STT3A: variants seen among roughly 807,000 people sequenced by gnomAD.
The protein encoded by STT3A is STT3 oligosaccharyltransferase complex catalytic subunit A.
Under a neutral mutation model 89.2 loss-of-function variants are expected in STT3A, and 34 were observed. The ratio of observed to expected loss-of-function variants is 0.38; its 90% CI spans 0.29 to 0.51. The LOEUF (loss-of-function observed/expected upper bound fraction) is 0.51, where lower values mean the gene tolerates loss of function less well. Ranked by LOEUF, STT3A falls within the 20% of genes least tolerant of loss-of-function variation. The probability of loss-of-function intolerance (pLI) is 0.89; values close to 1 mark genes in which losing one functional copy is unlikely to be tolerated. For missense variants in STT3A, 555 were observed against 889.5 expected, an observed-to-expected ratio of 0.62 and a Z score of 4.78; for synonymous variants, 282 against 310.3, an observed-to-expected ratio of 0.91 and a Z score of 0.96.
At chr11:125,609,652 G>A (rs1286510848) in intron 10 of STT3A, 63 bp downstream of exon 10, 2 of 1,563,664 alleles carry the variant, frequency 1.3e-6, no homozygotes, top group South Asian at 1.2e-5. Flanking sequence ...TTCCAAATTT[G>A]CAAGCTACCC....
Position 125,602,453 on chromosome 11 carries a change from T to A in STT3A, c.271+29T>A, listed in dbSNP as rs11825456. 108,681 of 1,300,150 alleles carry A rather than the reference T, an allele frequency of 0.084. 3,923 individuals are homozygous for A. Among genetic ancestry groups the A allele is most frequent in the African/African-American group, 0.23 (14,988 of 65,932 alleles). The allele number at this position is 1,300,150 out of a possible 1,614,324, so 80.5% of individuals were successfully genotyped here. On this transcript the variant is annotated intron_variant, in intron 4 of 17. Transcript: ENST00000392708. ...AGGAGACCAGATGTGTTTTTTTTTT[T>A]AAAAAAAAAACAGAAATATTTGTAT...
In STT3A at chr11:125,613,776, G is replaced by T; in HGVS notation, c.1555-311G>T. 1 of 216,140 alleles carries T rather than the reference G, an allele frequency of 4.6e-6. No individual in the cohort carries two copies. Among genetic ancestry groups the T allele is most frequent in the Non-Finnish European group, 9.2e-6 (1 of 109,220 alleles). The allele number at this position is 216,140 out of a possible 1,614,324, so 13.4% of individuals were successfully genotyped here. On this transcript the variant is annotated intron_variant, in intron 13 of 17. Coordinates refer to ENST00000392708, the MANE Select transcript of STT3A (RefSeq NM_152713.5). The surrounding 1 kb of genome is among the most constrained non-coding windows in gnomAD (Gnocchi z 4.2). The stretch of plus-strand genomic sequence containing the variant: ...AGGTTATTTAAGAAAATTGTCTAAT[G>T]ACACTAGGCTATTGATGTGGCTACA...
In STT3A at chr11:125,621,087, T is replaced by C. The variant is rs939964710; in HGVS notation, c.*277T>C. 3.8e-5 allele frequency: 12 copies of C among 319,338 alleles called. No homozygotes were observed. Among genetic ancestry groups the C allele is most frequent in the Admixed American group, 9.5e-5 (2 of 21,008 alleles). The allele number at this position is 319,338 out of a possible 1,614,324, so 19.8% of individuals were successfully genotyped here. A position where few individuals can be genotyped will look rare whatever the true frequency, so the allele number is the denominator to read the frequency against. ...AATGTGCCTTATTTGTTTTGACTTATAACTGATTTGAGGGAGGCAAAAGCT... is the reference window on the plus strand; with the variant it reads ...AATGTGCCTTATTTGTTTTGACTTACAACTGATTTGAGGGAGGCAAAAGCT... On this transcript the variant is annotated 3_prime_UTR_variant, in exon 18 of 18. Transcript: ENST00000392708.
intron 7 of STT3A, 189 bp from the exon 8 acceptor site, chr11:125,606,112 A>G: frequency 1.8e-6 from 1 of 569,820 alleles, no homozygotes; most frequent in Non-Finnish European, 3.0e-6. Context: ...TGACCTGTAC[A>G]TGTAAGGACT....
At chr11:125,617,922 A>G (rs1940225944) in intron 15 of STT3A, among the ~76,000 whole-genome samples, 1 of 152,256 alleles carries the variant, frequency 6.6e-6, no homozygotes, top group Non-Finnish European at 1.5e-5. Context: ...TTAATTTAAC[A>G]TGTAACCAGT....
chr11:125,610,452 C>T (rs59793028), intron 10 of STT3A, among the ~76,000 whole-genome samples: 2 of 152,124 alleles, frequency 1.3e-5, no homozygotes, highest in Non-Finnish European at 2.9e-5. Flanking sequence ...GGCACAATGG[C>T]TCATGCCTAT....
intron 10 of STT3A, among the ~76,000 whole-genome samples, chr11:125,610,221 C>T (rs1294565426): frequency 6.6e-6 from 1 of 151,992 alleles, no homozygotes; most frequent in Non-Finnish European, 1.5e-5. Flanking sequence ...CACCACCATG[C>T]CCAGCTAATT....
intron 3 of STT3A, among the ~76,000 whole-genome samples, chr11:125,597,784 T>G (rs979282900): frequency 1.4e-4 from 22 of 152,240 alleles, no homozygotes; most frequent in African/African-American, 5.1e-4. Context: ...GAAAAAGATA[T>G]AGTGGAATTC....
chr11:125,613,988 A>G lies in STT3A; in HGVS notation c.1555-99A>G. Reference sequence around the variant, plus strand: ...TTGTGAAGAAATTGATTAGTTAGCCAGGTGTCACTTCTGTCAGACCAAAGA... The same window carrying G: ...TTGTGAAGAAATTGATTAGTTAGCCGGGTGTCACTTCTGTCAGACCAAAGA... On this transcript the variant is annotated intron_variant, in intron 13 of 17. Transcript: ENST00000392708. This position sits in a 1 kb window ranked among gnomAD's most constrained non-coding sequence, Gnocchi z 4.2. The G allele has an allele frequency of 1.0e-6, 1 of 971,488 alleles. No individual in the cohort carries two copies. Among genetic ancestry groups the G allele is most frequent in the Non-Finnish European group, 1.6e-6 (1 of 621,410 alleles). 60.2% of individuals were successfully genotyped at this position (971,488 alleles called of 1,614,324 possible).
chr11:125,610,797 A>G (rs1374968042), intron 10 of STT3A: 1 of 152,426 alleles, frequency 6.6e-6, no homozygotes, highest in African/African-American at 2.4e-5. Context: ...TTAGCTGGGC[A>G]TGGTAGTGTG....
At chr11:125,618,330 C>T in intron 15 of STT3A, 43 bp from the exon 16 acceptor site, 7 of 1,538,104 alleles carry the variant, frequency 4.6e-6, no homozygotes, top group Non-Finnish European at 6.1e-6. Flanking sequence ...TTAACTCCAG[C>T]AACTTTTGTG....
At chr11:125,596,900 T>C (rs139151337) in intron 2 of STT3A, among the ~76,000 whole-genome samples, 159 bp from the exon 3 acceptor site, 28 of 152,350 alleles carry the variant, frequency 1.8e-4, no homozygotes, top group Admixed American at 7.8e-4. Flanking sequence ...TTCTCTTGTT[T>C]CCTTTATGTG....
rs12285032 is a variant in STT3A at position 125,606,216 on chromosome 11, G to A, written c.616-85G>A. On this transcript the variant is annotated intron_variant, in intron 7 of 17. Transcript: ENST00000392708. ...ATAGTTACTATAAGTGTTCTTTAAA[G>A]AGTCACAGGTGATATCCTACAATAT... is the stretch of plus-strand genomic sequence containing the variant. 0.071 allele frequency: 87,210 copies of A among 1,234,700 alleles called. 4,120 individuals are homozygous for A. The highest frequency in any genetic ancestry group is 0.22 in the African/African-American group (14,634 of 65,834). 76.5% of individuals were successfully genotyped at this position (1,234,700 alleles called of 1,614,324 possible). A position where few individuals can be genotyped will look rare whatever the true frequency, so the allele number is the denominator to read the frequency against.
chr11:125,614,247 T>C lies in STT3A; in HGVS notation c.1671+44T>C. 1 of 1,612,120 alleles carries C rather than the reference T, an allele frequency of 6.2e-7. No individual in the cohort carries two copies. Among genetic ancestry groups the C allele is most frequent in the Non-Finnish European group, 8.5e-7 (1 of 1,178,202 alleles). On this transcript the variant is annotated intron_variant, in intron 14 of 17. Coordinates refer to ENST00000392708, the MANE Select transcript of STT3A (RefSeq NM_152713.5). The surrounding 1 kb of genome is among the most constrained non-coding windows in gnomAD (Gnocchi z 4.9). Reference sequence around the variant, plus strand: ...CTTTGAGTGTTTGGTGTACAAGGTCTAATGGGAAATGTGTCTGCATGAGGG... The same window carrying C: ...CTTTGAGTGTTTGGTGTACAAGGTCCAATGGGAAATGTGTCTGCATGAGGG...
At position 125,618,632 on chromosome 11, in the gene STT3A, T is replaced by C. The variant is rs1191019199; in HGVS notation, c.1963+71T>C. On this transcript the variant is annotated intron_variant, in intron 16 of 17. Coordinates refer to ENST00000392708, the MANE Select transcript of STT3A (RefSeq NM_152713.5). ...TTACTAATACACAGTATTTTCCATA[T>C]GCCAAGCACTAGTAAGTGCTTTGTG... 1.3e-5 allele frequency: 19 copies of C among 1,460,250 alleles called. No homozygotes were observed. The East Asian group carries it at 4.5e-4, about 35-fold the overall frequency. The allele number at this position is 1,460,250 out of a possible 1,614,324, so 90.5% of individuals were successfully genotyped here. A position where few individuals can be genotyped will look rare whatever the true frequency, so the allele number is the denominator to read the frequency against.
Position 125,622,740 on chromosome 11 carries a change from A to AT in STT3A, c.*1932dup, listed in dbSNP as rs1409887024. The AT allele has an allele frequency of 6.6e-6, 1 of 152,002 alleles. No homozygotes were observed. Among genetic ancestry groups the AT allele is most frequent in the African/African-American group, 2.4e-5 (1 of 41,328 alleles). The allele number at this position is 152,002 out of a possible 1,614,324, so 9.4% of individuals were successfully genotyped here. On this transcript the variant is annotated 3_prime_UTR_variant, in exon 18 of 18. Transcript: ENST00000392708. ...TAAGCATAGTTTTGATGTCTTTCAT[A>AT]TTAAAGACTTTCTCAAATTCTTGCT...
In STT3A at chr11:125,619,797, T is replaced by A. The variant is rs554503624; in HGVS notation, c.1964-214T>A. 2.0e-5 allele frequency among the ~76,000 whole-genome samples: 3 copies of A among 152,210 alleles called. No individual in the cohort carries two copies. The East Asian group carries it at 5.8e-4, about 29-fold the overall frequency. On this transcript the variant is annotated intron_variant, in intron 16 of 17. Coordinates refer to ENST00000392708, the MANE Select transcript of STT3A (RefSeq NM_152713.5). The stretch of plus-strand genomic sequence containing the variant: ...TGTCTGTCTTATCAGAGATAAGACA[T>A]TGACTGGCAAGCATCATCTTGCATA...
intron 15 of STT3A, among the ~76,000 whole-genome samples, chr11:125,617,960 T>A (rs529869919): frequency 5.9e-5 from 9 of 152,370 alleles, no homozygotes; most frequent in South Asian, 2.1e-4. Context: ...TTGTTTTTTT[T>A]ACTAACTTTT....
intron 12 of STT3A, 71 bp downstream of exon 12, chr11:125,612,818 G>C (rs11220158): frequency 6.4e-7 from 1 of 1,565,578 alleles, no homozygotes; most frequent in African/African-American, 1.4e-5. Flanking sequence ...TGTGGGCAGC[G>C]GGGGGTGGGA....
Sources: gnomAD v4.1 joint callset for allele counts (sites outside exome capture counted in the v4.1 genomes callset) on GRCh38, gnomAD v4.1.1 for gene constraint, Gnocchi (gnomAD v3.1) non-coding constraint, MANE v1.5 for transcripts, NCBI Gene and HGNC (gene_info 2026-07-23, HGNC 2026-07-21) for gene names.